Variants in PRCD observed in about 807,000 individuals in gnomAD.
PRCD encodes photoreceptor disk component PRCD.
A neutral mutation model predicts 10.1 loss-of-function variants in PRCD; 12 were observed. The ratio of observed to expected loss-of-function variants is 1.18; its 90% confidence interval spans 0.76 to 1.92. The LOEUF (loss-of-function observed/expected upper bound fraction) is 1.92, where lower values mean the gene tolerates loss of function less well. Among genes scored for constraint, PRCD ranks in the 40% most tolerant of loss-of-function variants. PRCD has a pLI of 0.00. For missense variants in PRCD, 61 were observed against 72.2 expected (o/e 0.84, Z 0.56); for synonymous variants, 31 against 26.2 (o/e 1.18, Z -0.56).
rs908873505 is a variant in PRCD, at chr17:76,528,746, C to A, written n.45+913C>A. 4 of 1,038,516 alleles carry A rather than the reference C, an allele frequency of 3.9e-6. No homozygotes were observed. In the African/African-American group the frequency reaches 6.6e-5, roughly 17 times the overall value. 64.3% of individuals were successfully genotyped at this position (1,038,516 alleles called of 1,614,324 possible). A position where few individuals can be genotyped will look rare whatever the true frequency, so the allele number is the denominator to read the frequency against. On this transcript the variant is annotated intron_variant and non_coding_transcript_variant, in intron 1 of 4. Transcript: ENST00000397633. This position sits in a 1 kb window ranked among gnomAD's most constrained non-coding sequence, Gnocchi z 5.8. ...TCCGGCACAGTGCAGTTGAAAGCAA[C>A]CGTGAGACCCAAGTTCTAGTCTCCG...
chr17:76,530,984 G>A lies in PRCD; in HGVS notation n.45+3151G>A. 3.7e-6 allele frequency: 6 copies of A among 1,602,110 alleles called. No homozygotes were observed. Among genetic ancestry groups the A allele is most frequent in the Non-Finnish European group, 5.1e-6 (6 of 1,173,582 alleles). On this transcript the variant is annotated intron_variant and non_coding_transcript_variant, in intron 1 of 4. Transcript: ENST00000397633. This position sits in a 1 kb window ranked among gnomAD's most constrained non-coding sequence, Gnocchi z 6.1. ...ACCCTCGCCCGCCTCCTCACGTGGT[G>A]GCGTTGGGGACCTGCTGCACCCAGC...
downstream of PRCD, among the ~76,000 whole-genome samples, chr17:76,548,255 C>T (rs1230976735): frequency 6.6e-6 from 1 of 152,190 alleles, no homozygotes; most frequent in African/African-American, 2.4e-5. Flanking sequence ...CACAGTCACA[C>T]ACACAGATAC....
chr17:76,547,144 G>C (rs2075060261), downstream of PRCD: 1 of 152,372 alleles, frequency 6.6e-6, no homozygotes, highest in South Asian at 2.1e-4. Flanking sequence ...TCTAGGCCCT[G>C]AGAGGCTGGT....
rs774019278 is a variant in PRCD, at chr17:76,540,250, T to TG, written c.74+35_74+36insG. 0.29 allele frequency: 123,444 copies of TG among 430,586 alleles called. 10,749 individuals are homozygous for TG. The highest frequency in any genetic ancestry group is 0.35 in the Admixed American group (8,838 of 25,148). The allele number at this position is 430,586 out of a possible 1,614,324, so 26.7% of individuals were successfully genotyped here. ...TGACCGGGCTATGGCTGGCGGTTGGTCGGGGGGGGGGGGCATGGGGCTGGG... is the reference window on the plus strand; with the variant it reads ...TGACCGGGCTATGGCTGGCGGTTGGTGCGGGGGGGGGGGGCATGGGGCTGGG... On this transcript the variant is annotated intron_variant, in intron 1 of 4. Transcript: ENST00000592014. This position sits in a 1 kb window ranked among gnomAD's most constrained non-coding sequence, Gnocchi z 5.0.
intron 2 of PRCD, among the ~76,000 whole-genome samples, chr17:76,541,053 G>C (rs2074986845): frequency 6.6e-6 from 1 of 152,202 alleles, no homozygotes; most frequent in Non-Finnish European, 1.5e-5. Context: ...GCCATTGGCT[G>C]GGCAGACCCT....
chr17:76,537,434 T>C (rs781244779), upstream of PRCD: 5 of 1,598,424 alleles, frequency 3.1e-6, no homozygotes, highest in East Asian at 1.2e-4. Context: ...TCCTCGCAGT[T>C]GGCATAGAGC....
At chr17:76,534,178 T>TCTCTCTCTCTC (rs1567907880) in intron 1 of PRCD, among the ~76,000 whole-genome samples, 2 of 64,020 alleles carry the variant, frequency 3.1e-5, no homozygotes, top group Admixed American at 2.0e-4. Context: ...CTCTCTCTCT[T>TCTCTCTCTCTC]TCTTTCTTTC....
In PRCD at chr17:76,531,640, G is replaced by A. The variant is rs372414014; in HGVS notation, n.45+3807G>A. 3.7e-6 allele frequency: 6 copies of A among 1,611,088 alleles called. No individual in the cohort carries two copies. The highest frequency in any genetic ancestry group is 1.3e-5 in the African/African-American group (1 of 74,988). ...GCTCCATCTCCAGGGGATCCTCCAT[G>A]TGCTTGAACTGGCTGAAGTACTGCT... On this transcript the variant is annotated intron_variant and non_coding_transcript_variant, in intron 1 of 4. Coordinates refer to the PRCD transcript ENST00000397633. This position sits in a 1 kb window ranked among gnomAD's most constrained non-coding sequence, Gnocchi z 7.4.
chr17:76,539,981 G>A (rs1224947841), upstream of PRCD: 4 of 712,024 alleles, frequency 5.6e-6, no homozygotes, highest in Non-Finnish European at 7.2e-6. Flanking sequence ...TCACAAGGTC[G>A]GGGCCGCTGA....
chr17:76,542,803 C>A (rs535886606), intron 3 of PRCD, among the ~76,000 whole-genome samples, 170 bp downstream of exon 3: 1 of 152,198 alleles, frequency 6.6e-6, no homozygotes. Context: ...CTACCTTGAG[C>A]CTGTTGTGGT....
At position 76,530,943 on chromosome 17, in the gene PRCD, G is replaced by A; in HGVS notation, n.45+3110G>A. 1 of 1,536,950 alleles carries A rather than the reference G, an allele frequency of 6.5e-7. No individual in the cohort carries two copies. Among genetic ancestry groups the A allele is most frequent in the South Asian group, 1.2e-5 (1 of 82,650 alleles). On this transcript the variant is annotated intron_variant and non_coding_transcript_variant, in intron 1 of 4. Transcript: ENST00000397633. The surrounding 1 kb of genome is among the most constrained non-coding windows in gnomAD (Gnocchi z 6.1). ...TCGGGGACAGCAGAGGACATGGCGGGGAGGCTGCCCAGCCCACCCTCGCCC... is the reference window on the plus strand; with the variant it reads ...TCGGGGACAGCAGAGGACATGGCGGAGAGGCTGCCCAGCCCACCCTCGCCC...
intron 1 of PRCD, among the ~76,000 whole-genome samples, chr17:76,534,146 T>TTC (rs71158013): frequency 0.11 from 14,612 of 128,912 alleles, 1,008 homozygotes; most frequent in African/African-American, 0.19. Context: ...CTCTTTCTCT[T>TTC]TCTCTCTCTC....
At chr17:76,539,272 G>C (rs1382487729), upstream of PRCD, among the ~76,000 whole-genome samples, 2 of 152,176 alleles carry the variant, frequency 1.3e-5, no homozygotes, top group Non-Finnish European at 2.9e-5. Context: ...GGTCCCCTTG[G>C]GATGTGGAAA....
chr17:76,535,067 A>G (rs2143108909), upstream of PRCD, among the ~76,000 whole-genome samples: 1 of 152,334 alleles, frequency 6.6e-6, no homozygotes, highest in Non-Finnish European at 1.5e-5. Flanking sequence ...CAGAGTTACA[A>G]CCAGCAGGGA....
chr17:76,549,026 C>A (rs188123821), downstream of PRCD, among the ~76,000 whole-genome samples: 9 of 152,260 alleles, frequency 5.9e-5, no homozygotes, highest in East Asian at 1.7e-3. Context: ...ACACACAGAT[C>A]AATGGAATCC....
At chr17:76,537,091 GT>G (rs1283136823), upstream of PRCD, among the ~76,000 whole-genome samples, 1 of 152,240 alleles carries the variant, frequency 6.6e-6, no homozygotes, top group Non-Finnish European at 1.5e-5. Context: ...GTGTCTGACA[GT>G]TTGGCTGGGT....
downstream of PRCD, among the ~76,000 whole-genome samples, chr17:76,549,480 G>GT (rs1486652188): frequency 6.6e-6 from 1 of 152,212 alleles, no homozygotes; most frequent in Admixed American, 6.5e-5. Flanking sequence ...GCCGACCATA[G>GT]TAAGTACTGT....
In PRCD at chr17:76,531,164, G is replaced by A. The variant is rs777078364; in HGVS notation, n.45+3331G>A. 1 of 1,606,036 alleles carries A rather than the reference G, an allele frequency of 6.2e-7. No individual in the cohort carries two copies. The highest frequency in any genetic ancestry group is 1.3e-5 in the African/African-American group (1 of 74,804). ...GGATCTGGGGGCAAAGGGAGGAAGG[G>A]GGAGTGAACGCCCGGGCGCCCTGCG... On this transcript the variant is annotated intron_variant and non_coding_transcript_variant, in intron 1 of 4. Coordinates refer to the PRCD transcript ENST00000397633. The surrounding 1 kb of genome is among the most constrained non-coding windows in gnomAD (Gnocchi z 7.4).
chr17:76,528,435 C>G lies in PRCD; in HGVS notation n.45+602C>G. 1.3e-6 allele frequency: 1 copy of G among 771,056 alleles called. No homozygotes were observed. Among genetic ancestry groups the G allele is most frequent in the Non-Finnish European group, 1.8e-6 (1 of 556,120 alleles). 47.8% of individuals were successfully genotyped at this position (771,056 alleles called of 1,614,324 possible). A position where few individuals can be genotyped will look rare whatever the true frequency, so the allele number is the denominator to read the frequency against. ...AGCAGCTCCAGGGGGGGACCCTGGCCGCCACAGAGGCCTCCTTCGGGGAAG... is the reference window on the plus strand; with the variant it reads ...AGCAGCTCCAGGGGGGGACCCTGGCGGCCACAGAGGCCTCCTTCGGGGAAG... On this transcript the variant is annotated intron_variant and non_coding_transcript_variant, in intron 1 of 4. Coordinates refer to the PRCD transcript ENST00000397633. This position sits in a 1 kb window ranked among gnomAD's most constrained non-coding sequence, Gnocchi z 5.8.
Sources: gnomAD v4.1 joint callset for allele counts (sites outside exome capture counted in the v4.1 genomes callset) on GRCh38, gnomAD v4.1.1 for gene constraint, Gnocchi (gnomAD v3.1) non-coding constraint, MANE v1.5 for transcripts, NCBI Gene and HGNC (gene_info 2026-07-23, HGNC 2026-07-21) for gene names.